The following FGF1 variants were observed in gnomAD, a reference collection of about 807,000 sequenced individuals.
The protein encoded by FGF1 is beta-endothelial cell growth factor.
In FGF1, 9 loss-of-function variants were observed where a neutral mutation model predicts 13.4. That is an observed-to-expected ratio of 0.67 (90% CI 0.40 to 1.17). The LOEUF (loss-of-function observed/expected upper bound fraction) is 1.17. Among genes scored for constraint, FGF1 ranks in the 50% most tolerant of loss-of-function variants. The pLI, the probability that FGF1 is intolerant of heterozygous loss-of-function variation, is 0.01. For missense variants in FGF1, 156 were observed against 192.7 expected (o/e 0.81, Z 1.13); for synonymous variants, 93 against 79.0 (o/e 1.18, Z -0.94).
At chr5:142,636,205 T>C (rs1206558869) in intron 1 of FGF1, among the ~76,000 whole-genome samples, 1 of 152,206 alleles carries the variant, frequency 6.6e-6, no homozygotes. Flanking sequence ...TCTGATTTGC[T>C]CCACAGTTCT....
At chr5:142,604,226 T>A (rs1757167859) in intron 2 of FGF1, among the ~76,000 whole-genome samples, 12 of 152,232 alleles carry the variant, frequency 7.9e-5, no homozygotes, top group Admixed American at 7.9e-4. Flanking sequence ...TCCATTGCAT[T>A]GTACAACTTA....
chr5:142,667,574 A>G (rs1249039863), intron 1 of FGF1, among the ~76,000 whole-genome samples: 2 of 146,842 alleles, frequency 1.4e-5, no homozygotes, highest in East Asian at 4.0e-4. Flanking sequence ...GGACAGAGCG[A>G]GACTCCGTCT....
At chr5:142,690,960 T>C (rs1343602045), upstream of FGF1, among the ~76,000 whole-genome samples, 4 of 152,224 alleles carry the variant, frequency 2.6e-5, no homozygotes, top group Non-Finnish European at 5.9e-5. Flanking sequence ...TTTCTGCCTC[T>C]AGGTTATTTG....
chr5:142,609,441 C>T (rs1758576712), intron 2 of FGF1, among the ~76,000 whole-genome samples: 1 of 152,128 alleles, frequency 6.6e-6, no homozygotes, highest in Non-Finnish European at 1.5e-5. Context: ...AAGTCATGGT[C>T]CCCCTTCACC....
At chr5:142,657,539 C>T (rs1039927369) in intron 1 of FGF1, among the ~76,000 whole-genome samples, 1 of 152,224 alleles carries the variant, frequency 6.6e-6, no homozygotes, top group Non-Finnish European at 1.5e-5. Context: ...GGCCTGAGGC[C>T]GTGTGGTCAG....
intron 1 of FGF1, among the ~76,000 whole-genome samples, chr5:142,679,701 G>C (rs144827328): frequency 1.3e-3 from 191 of 152,028 alleles, no homozygotes; most frequent in African/African-American, 4.4e-3. Flanking sequence ...CACTCTTTCT[G>C]TTCATTCCTT....
chr5:142,663,947 A>G (rs1292953178), intron 1 of FGF1, among the ~76,000 whole-genome samples: 1 of 152,184 alleles, frequency 6.6e-6, no homozygotes, highest in African/African-American at 2.4e-5. Context: ...TCTGGCGCAA[A>G]TCACAAGTGG....
chr5:142,657,914 T>C (rs1768463821), intron 1 of FGF1, among the ~76,000 whole-genome samples: 1 of 152,202 alleles, frequency 6.6e-6, no homozygotes, highest in Non-Finnish European at 1.5e-5. Context: ...TAGGTGGTTC[T>C]GTCTTAAATG....
intron 1 of FGF1, among the ~76,000 whole-genome samples, chr5:142,684,820 G>A (rs537400839): frequency 3.9e-5 from 6 of 152,288 alleles, no homozygotes; most frequent in African/African-American, 7.2e-5. Context: ...AGCCTGGCTC[G>A]CCCTCAGCCG....
upstream of FGF1, among the ~76,000 whole-genome samples, chr5:142,690,182 G>A (rs1431364444): frequency 2.6e-5 from 4 of 151,252 alleles, no homozygotes; most frequent in East Asian, 8.0e-4. Flanking sequence ...TTAGCCGGGC[G>A]TGGTGGCGGG....
At chr5:142,621,059 C>A (rs1433322988) in intron 1 of FGF1, among the ~76,000 whole-genome samples, 5 of 152,190 alleles carry the variant, frequency 3.3e-5, no homozygotes, top group African/African-American at 1.2e-4. Context: ...GCAGGTCCCA[C>A]CTTTCCAGCA....
At position 142,613,987 on chromosome 5, in the gene FGF1, A is replaced by G. The variant is rs1196838713; in HGVS notation, c.141T>C (p.Asp47=). 8.1e-6 allele frequency: 13 copies of G among 1,613,878 alleles called. No homozygotes were observed. The Admixed American group carries it at 2.2e-4, about 27-fold the overall frequency. ...FLRILPDGTV[D]GTRDRSDQHI... ...GCTGGTCGCTCCTGTCCCTTGTCCC[A>G]TCCACTGTGCCATCCGGAAGGATCC... The change falls in exon 2 of 4, where the codon GAT becomes GAC. Residue 47 remains aspartate (D), a synonymous_variant. Transcript: ENST00000337706.
At chr5:142,680,506 A>G (rs1773507309) in intron 1 of FGF1, among the ~76,000 whole-genome samples, 1 of 152,184 alleles carries the variant, frequency 6.6e-6, no homozygotes, top group African/African-American at 2.4e-5. Context: ...CTGAGTTCAA[A>G]TCCCCACTCA....
At chr5:142,681,053 T>C (rs1228049808) in intron 1 of FGF1, among the ~76,000 whole-genome samples, 4 of 152,208 alleles carry the variant, frequency 2.6e-5, no homozygotes, top group African/African-American at 4.8e-5. Flanking sequence ...AGATGAGTCA[T>C]GTCCATGAGT....
intron 1 of FGF1, among the ~76,000 whole-genome samples, chr5:142,669,748 G>A (rs1416641432): frequency 6.6e-6 from 1 of 152,150 alleles, no homozygotes; most frequent in African/African-American, 2.4e-5. Flanking sequence ...CAGAATATGA[G>A]GCAGGCACAG....
intron 1 of FGF1, among the ~76,000 whole-genome samples, chr5:142,615,188 A>G (rs931187481): frequency 5.3e-5 from 8 of 152,162 alleles, no homozygotes; most frequent in Non-Finnish European, 8.8e-5. Flanking sequence ...GAAAGAGGCC[A>G]AAAAGAGACC....
Position 142,595,061 on chromosome 5 carries a change from G to T in FGF1, c.*229C>A. 2.2e-6 allele frequency: 1 copy of T among 446,804 alleles called. No individual in the cohort carries two copies. 27.7% of individuals were successfully genotyped at this position (446,804 alleles called of 1,614,324 possible). A position where few individuals can be genotyped will look rare whatever the true frequency, so the allele number is the denominator to read the frequency against. Reference sequence around the variant, plus strand: ...GAGATCCAAACCCAGACCCAGACTGGCCAGCCAGTTGACTCCTAGAAGCAA... The same window carrying T: ...GAGATCCAAACCCAGACCCAGACTGTCCAGCCAGTTGACTCCTAGAAGCAA... On this transcript the variant is annotated 3_prime_UTR_variant, in exon 4 of 4. Coordinates refer to ENST00000337706, the MANE Select transcript of FGF1 (RefSeq NM_000800.5).
At chr5:142,627,465 C>T (rs986337525) in intron 1 of FGF1, among the ~76,000 whole-genome samples, 9 of 152,224 alleles carry the variant, frequency 5.9e-5, no homozygotes, top group African/African-American at 1.9e-4. Flanking sequence ...CACATTTCTA[C>T]TAGACAGACA....
intron 1 of FGF1, among the ~76,000 whole-genome samples, chr5:142,627,846 A>G (rs1168745844): frequency 1.3e-5 from 2 of 152,202 alleles, no homozygotes; most frequent in Non-Finnish European, 2.9e-5. Context: ...GTCTATTTCT[A>G]GAGGTTCCAT....
Sources: gnomAD v4.1 joint callset for allele counts (sites outside exome capture counted in the v4.1 genomes callset) on GRCh38, gnomAD v4.1.1 for gene constraint, MANE v1.5 for transcripts, NCBI Gene and HGNC (gene_info 2026-07-23, HGNC 2026-07-21) for gene names.